Variants in ASH1L observed in about 807,000 individuals in gnomAD.
The protein encoded by ASH1L is ASH1 like histone lysine methyltransferase, also known as histone-lysine N-methyltransferase ASH1L.
ASH1L carries 23 observed loss-of-function variants against 269.0 expected under a neutral mutation model. The observed-to-expected ratio is 0.09, with a 90% CI of 0.06 to 0.12. The LOEUF is 0.12. ASH1L is among the 10% of genes least tolerant of loss of function. The pLI is 1.00. For synonymous variants in ASH1L, 1,187 were observed against 1,253.5 expected (o/e 0.95, Z 1.12); for missense variants, 2,912 against 3,567.8 (o/e 0.82, Z 4.68).
At chr1:155,390,009 C>T (rs1657786342) in intron 7 of ASH1L, among the ~76,000 whole-genome samples, 1 of 151,238 alleles carries the variant, frequency 6.6e-6, no homozygotes, top group African/African-American at 2.4e-5. Flanking sequence ...ATCTTCTTGA[C>T]TTAATACACT....
chr1:155,554,713 A>AC (rs2148918851), intron 1 of ASH1L, among the ~76,000 whole-genome samples: 1 of 152,314 alleles, frequency 6.6e-6, no homozygotes, highest in South Asian at 2.1e-4. Flanking sequence ...AAAAACAAAA[A>AC]CAAAAAAAAA....
intron 3 of ASH1L, among the ~76,000 whole-genome samples, chr1:155,461,665 A>G (rs1022943415): frequency 1.6e-4 from 25 of 152,192 alleles, no homozygotes; most frequent in African/African-American, 5.8e-4. Context: ...AAAACTTAAT[A>G]TACAGACAGA....
chr1:155,378,594 T>C (rs752696347), intron 8 of ASH1L, 46 bp from the exon 9 acceptor site: 1 of 1,469,644 alleles, frequency 6.8e-7, no homozygotes, highest in African/African-American at 1.4e-5. Flanking sequence ...TAACTTCAAA[T>C]GCCAGACGGC....
At chr1:155,387,890 G>A (rs1268751272) in intron 7 of ASH1L, among the ~76,000 whole-genome samples, 3 of 152,048 alleles carry the variant, frequency 2.0e-5, no homozygotes, top group African/African-American at 7.2e-5. Flanking sequence ...TATTCTTTTT[G>A]TGGCAATTGT....
chr1:155,465,797 T>C lies in ASH1L; in HGVS notation c.4985-5899A>G, dbSNP rs1283021317. Reference sequence around the variant, plus strand: ...AGTAAAGGAATATGAACATAAAATATCAAACTATTTGAGAACTTCTGGTCA... The same window carrying C: ...AGTAAAGGAATATGAACATAAAATACCAAACTATTTGAGAACTTCTGGTCA... On this transcript the variant is annotated intron_variant, in intron 3 of 27. Transcript: ENST00000392403. 2.6e-5 allele frequency among the ~76,000 whole-genome samples: 4 copies of C among 152,162 alleles called. No homozygotes were observed. In the East Asian group the frequency reaches 7.7e-4, roughly 29 times the overall value.
At chr1:155,337,858 T>C in intron 27 of ASH1L, 107 bp from the exon 28 acceptor site, 1 of 1,199,684 alleles carries the variant, frequency 8.3e-7, no homozygotes, top group Non-Finnish European at 1.2e-6. Context: ...TTTTCTGACC[T>C]ATAAGCAATT....
At position 155,414,197 on chromosome 1, in the gene ASH1L, A is replaced by G. The variant is rs544720543; in HGVS notation, c.6008+1547T>C. Among the ~76,000 whole-genome samples the G allele has an allele frequency of 3.9e-5, 6 of 152,256 alleles. No individual in the cohort carries two copies. The East Asian group carries it at 9.6e-4, about 24-fold the overall frequency. On this transcript the variant is annotated intron_variant, in intron 6 of 27. Coordinates refer to ENST00000392403, the MANE Select transcript of ASH1L (RefSeq NM_018489.3). ...GAGGTGAGAGTTTTTGCCACTAGTA[A>G]TTCATTCCATTTATTTTCCACCCTG...
Position 155,477,879 on chromosome 1 carries a change from C to A in ASH1L, c.4984+7G>T. 6.3e-7 allele frequency: 1 copy of A among 1,586,688 alleles called. No individual in the cohort carries two copies. The highest frequency in any genetic ancestry group is 8.6e-7 in the Non-Finnish European group (1 of 1,163,202). On this transcript the variant is annotated splice_region_variant and intron_variant, in intron 3 of 27. Transcript: ENST00000392403. ...ACAAATAACAGGTAACAAAATAACCCTCTTACCTGCCAAAGTCTGTACTGC... is the reference window on the plus strand; with the variant it reads ...ACAAATAACAGGTAACAAAATAACCATCTTACCTGCCAAAGTCTGTACTGC...
At chr1:155,552,333 G>T (rs1453395071) in intron 1 of ASH1L, among the ~76,000 whole-genome samples, 1 of 152,158 alleles carries the variant, frequency 6.6e-6, no homozygotes, top group Non-Finnish European at 1.5e-5. Flanking sequence ...GAGCGTGGTG[G>T]CGCATGCCTG....
In ASH1L at chr1:155,478,220, T is replaced by G; in HGVS notation, c.4650A>C (p.Ile1550=). 6.2e-7 allele frequency: 1 copy of G among 1,614,042 alleles called. No homozygotes were observed. The highest frequency in any genetic ancestry group is 8.5e-7 in the Non-Finnish European group (1 of 1,179,982). Residue 1550 remains isoleucine (I), a synonymous_variant, in exon 3 of 28, where the codon ATA becomes ATC. Coordinates refer to ENST00000392403, the MANE Select transcript of ASH1L (RefSeq NM_018489.3). The surrounding 1 kb of genome is among the most constrained non-coding windows in gnomAD (Gnocchi z 4.6). The stretch of plus-strand genomic sequence containing the variant: ...GGTGGACCCACTGTTCCTCTCTGTT[T>G]ATTAAGCTTTTTGAAGGAGAGAGAT... ...CPHLSPSKSL[I]NREEQWVHRE... is the part of the protein sequence containing the mutation.
chr1:155,519,656 A>C (rs1668738742), intron 2 of ASH1L, among the ~76,000 whole-genome samples: 1 of 151,994 alleles, frequency 6.6e-6, no homozygotes, highest in Non-Finnish European at 1.5e-5. Flanking sequence ...CTAAAAGTAC[A>C]TTAGAATTTT....
chr1:155,501,963 G>C (rs1667535298), intron 2 of ASH1L, among the ~76,000 whole-genome samples: 1 of 150,708 alleles, frequency 6.6e-6, no homozygotes, highest in Non-Finnish European at 1.5e-5. Context: ...ACTCGGCCTA[G>C]AGATTGTTTT....
chr1:155,493,150 GTTT>G (rs1052219174), intron 2 of ASH1L, among the ~76,000 whole-genome samples: 11 of 151,938 alleles, frequency 7.2e-5, no homozygotes, highest in Non-Finnish European at 1.6e-4. Flanking sequence ...AATTCAGTGG[GTTT>G]TTTTTAACTA....
intron 6 of ASH1L, among the ~76,000 whole-genome samples, chr1:155,402,961 T>G (rs906643487): frequency 6.7e-6 from 1 of 148,706 alleles, no homozygotes; most frequent in Non-Finnish European, 1.5e-5. Context: ...GTGGATCACC[T>G]AAGGTCAGGA....
At chr1:155,427,917 T>C (rs902675063) in intron 5 of ASH1L, among the ~76,000 whole-genome samples, 4 of 152,162 alleles carry the variant, frequency 2.6e-5, no homozygotes, top group Admixed American at 2.6e-4. Flanking sequence ...TGAGATCTGG[T>C]GCTTTAAAAA....
chr1:155,432,179 G>C (rs1661662232), intron 5 of ASH1L, among the ~76,000 whole-genome samples: 1 of 152,076 alleles, frequency 6.6e-6, no homozygotes, highest in African/African-American at 2.4e-5. Context: ...GACCACAAAA[G>C]CTTTCTTTCG....
At chr1:155,392,071 G>A (rs965156529) in intron 7 of ASH1L, among the ~76,000 whole-genome samples, 1 of 152,130 alleles carries the variant, frequency 6.6e-6, no homozygotes, top group South Asian at 2.1e-4. Flanking sequence ...ACTCTCTTCC[G>A]TGGGGTAGGC....
At chr1:155,339,579 T>C (rs989761887) in intron 25 of ASH1L, among the ~76,000 whole-genome samples, 1 of 152,198 alleles carries the variant, frequency 6.6e-6, no homozygotes, top group Non-Finnish European at 1.5e-5. Flanking sequence ...GAGGGATAAG[T>C]GCACAATTTT....
intron 15 of ASH1L, among the ~76,000 whole-genome samples, chr1:155,354,937 G>C (rs985340639): frequency 3.3e-5 from 5 of 152,214 alleles, no homozygotes; most frequent in African/African-American, 1.2e-4. Context: ...AGATGAAGTA[G>C]GGTCTCAGGA....
Sources: gnomAD v4.1 joint callset for allele counts (sites outside exome capture counted in the v4.1 genomes callset) on GRCh38, gnomAD v4.1.1 for gene constraint, Gnocchi (gnomAD v3.1) non-coding constraint, MANE v1.5 for transcripts, NCBI Gene and HGNC (gene_info 2026-07-23, HGNC 2026-07-21) for gene names.